Variants in SECISBP2L observed in about 807,000 individuals in gnomAD.
SECISBP2L encodes the protein selenocysteine insertion sequence-binding protein 2-like.
A neutral mutation model predicts 114.7 loss-of-function variants in SECISBP2L; 43 were observed. The ratio of observed to expected loss-of-function variants is 0.38; its 90% CI spans 0.29 to 0.48. The LOEUF (loss-of-function observed/expected upper bound fraction) is 0.48, where lower values mean the gene tolerates loss of function less well. Among genes scored for constraint, SECISBP2L ranks in the 20% least tolerant of loss-of-function variants. The pLI, the probability that SECISBP2L is intolerant of heterozygous loss-of-function variation, is 0.98. For synonymous variants in SECISBP2L, 451 were observed against 439.7 expected (o/e 1.03, Z -0.32); for missense variants, 1,136 against 1,301.1 (o/e 0.87, Z 1.95).
At chr15:49,014,825 C>A (rs894884418) in intron 11 of SECISBP2L, among the ~76,000 whole-genome samples, 42 of 147,918 alleles carry the variant, frequency 2.8e-4, no homozygotes, top group Non-Finnish European at 5.4e-4. Flanking sequence ...TGTATATTAA[C>A]AGTATATGTA....
chr15:49,002,400 T>G (rs749518421), intron 14 of SECISBP2L, among the ~76,000 whole-genome samples: 5 of 152,246 alleles, frequency 3.3e-5, no homozygotes, highest in Non-Finnish European at 7.3e-5. Flanking sequence ...TCGTATAGGT[T>G]GCCTATTCAC....
chr15:48,998,226 T>C (rs1902134515), intron 16 of SECISBP2L, among the ~76,000 whole-genome samples: 1 of 152,188 alleles, frequency 6.6e-6, no homozygotes, highest in Non-Finnish European at 1.5e-5. Context: ...GAGGGAAAAA[T>C]ATAAGTAGCA....
intron 13 of SECISBP2L, among the ~76,000 whole-genome samples, chr15:49,010,425 A>G (rs1902414456): frequency 1.3e-5 from 2 of 152,148 alleles, no homozygotes; most frequent in Non-Finnish European, 2.9e-5. Context: ...CCTCTTTCCT[A>G]AACAGCTAAA....
At chr15:49,025,909 A>G (rs972064991) in intron 7 of SECISBP2L, among the ~76,000 whole-genome samples, 1 of 152,236 alleles carries the variant, frequency 6.6e-6, no homozygotes, top group Admixed American at 6.5e-5. Context: ...TCAGTATGTT[A>G]AAGAGATATC....
At position 49,021,172 on chromosome 15, in the gene SECISBP2L, A is replaced by G. The variant is rs186280350; in HGVS notation, c.1036-1620T>C. 5.3e-5 allele frequency among the ~76,000 whole-genome samples: 8 copies of G among 152,292 alleles called. No homozygotes were observed. In the East Asian group the frequency reaches 1.5e-3, roughly 29 times the overall value. On this transcript the variant is annotated intron_variant, in intron 7 of 17. Transcript: ENST00000559471. ...TTCTACCACATAAGGACAAAGCTAG[A>G]AGACAGCCACCTATGAACCACAAAG...
chr15:48,993,853 A>C (rs1902038141), intron 17 of SECISBP2L, among the ~76,000 whole-genome samples: 1 of 152,070 alleles, frequency 6.6e-6, no homozygotes, highest in African/African-American at 2.4e-5. Context: ...TATTTTTTCA[A>C]ATTTTTTTAA....
Position 49,000,124 on chromosome 15 carries a change from T to C in SECISBP2L, c.2249-137A>G, listed in dbSNP as rs1902172105. On this transcript the variant is annotated intron_variant, in intron 15 of 17. Transcript: ENST00000559471. ...TAGCACTTAACGCTGTTACACATTATCCTATTTAATTTTATACAATATATG... is the reference window on the plus strand; with the variant it reads ...TAGCACTTAACGCTGTTACACATTACCCTATTTAATTTTATACAATATATG... 6 of 770,608 alleles carry C rather than the reference T, an allele frequency of 7.8e-6. No individual in the cohort carries two copies. In the South Asian group the frequency reaches 1.4e-4, roughly 18 times the overall value. 47.7% of individuals were successfully genotyped at this position (770,608 alleles called of 1,614,324 possible). A position where few individuals can be genotyped will look rare whatever the true frequency, so the allele number is the denominator to read the frequency against.
chr15:49,037,387 CAT>C (rs1903032757), intron 2 of SECISBP2L: 1 of 406,880 alleles, frequency 2.5e-6, no homozygotes, highest in Admixed American at 4.2e-5. Flanking sequence ...CTGAAGGAGA[CAT>C]AGCCTAAGAA....
chr15:49,003,992 T>G (rs1041943298), intron 14 of SECISBP2L, among the ~76,000 whole-genome samples: 1 of 152,220 alleles, frequency 6.6e-6, no homozygotes, highest in Non-Finnish European at 1.5e-5. Flanking sequence ...TTCTATTGTT[T>G]GGAATAGTTT....
intron 11 of SECISBP2L, among the ~76,000 whole-genome samples, chr15:49,013,828 G>A (rs1050908517): frequency 2.0e-5 from 3 of 152,056 alleles, no homozygotes; most frequent in Non-Finnish European, 4.4e-5. Context: ...TCCCATCTCA[G>A]TTCCTCTAAG....
At chr15:49,023,895 G>A (rs1177258370) in intron 7 of SECISBP2L, among the ~76,000 whole-genome samples, 1 of 152,186 alleles carries the variant, frequency 6.6e-6, no homozygotes, top group Non-Finnish European at 1.5e-5. Flanking sequence ...AGTGGGAGAG[G>A]TATGGGGGAG....
intron 7 of SECISBP2L, among the ~76,000 whole-genome samples, chr15:49,021,702 T>G (rs1475636316): frequency 1.3e-5 from 2 of 152,156 alleles, no homozygotes; most frequent in African/African-American, 4.8e-5. Flanking sequence ...GTAAAACAAT[T>G]TCCTTTAAAA....
chr15:49,033,052 T>G lies in SECISBP2L; in HGVS notation c.577A>C (p.Asn193His). ...HIKSKRPLVK[N>H]VATQKETNAA... ...TTTGTTTCTTTCTGAGTAGCTACATTTTTCACCAGCGGCCTTTTGCTTTTT... is the reference window on the plus strand; with the variant it reads ...TTTGTTTCTTTCTGAGTAGCTACATGTTTCACCAGCGGCCTTTTGCTTTTT... Residue 193 changes from asparagine (N) to histidine (H), a missense_variant, in exon 4 of 18, where the codon AAT becomes CAT. Physicochemically the swap from Asn to His is moderately conservative, Grantham distance 68. Transcript: ENST00000559471. 4 of 1,614,130 alleles carry G rather than the reference T, an allele frequency of 2.5e-6. No individual in the cohort carries two copies. The highest frequency in any genetic ancestry group is 3.4e-6 in the Non-Finnish European group (4 of 1,180,010).
chr15:49,015,930 G>A lies in SECISBP2L; in HGVS notation c.1561+630C>T, dbSNP rs139992407. On this transcript the variant is annotated intron_variant, in intron 11 of 17. Transcript: ENST00000559471. ...AACTATGCTGATACCTGGGGAAAGA[G>A]CATCCCAGGAAAAGGGAATAGCAAG... 4.0e-3 allele frequency among the ~76,000 whole-genome samples: 605 copies of A among 152,322 alleles called. 1 individual carries two copies. Among genetic ancestry groups the A allele is most frequent in the Non-Finnish European group, 6.8e-3 (462 of 68,026 alleles).
intron 2 of SECISBP2L, 57 bp downstream of exon 2, chr15:49,037,534 C>T: frequency 6.6e-7 from 1 of 1,504,068 alleles, no homozygotes; most frequent in South Asian, 1.2e-5. Flanking sequence ...ATTAAGTGCA[C>T]TTTGCCAGCT....
chr15:49,035,198 C>T, intron 3 of SECISBP2L, 136 bp downstream of exon 3: 1 of 714,754 alleles, frequency 1.4e-6, no homozygotes, highest in Non-Finnish European at 2.3e-6. Context: ...ATTACATACC[C>T]TTTACCATTT....
At chr15:48,993,128 T>TGG (rs1566850192) in intron 17 of SECISBP2L, among the ~76,000 whole-genome samples, 11 of 151,604 alleles carry the variant, frequency 7.3e-5, no homozygotes, top group African/African-American at 2.7e-4. Context: ...TGTGTGTGTG[T>TGG]GTGTGTGTGT....
intron 1 of SECISBP2L, among the ~76,000 whole-genome samples, chr15:49,039,211 A>C (rs1903070658): frequency 6.6e-6 from 1 of 152,172 alleles, no homozygotes; most frequent in Admixed American, 6.5e-5. Flanking sequence ...ATAATAATAC[A>C]AATATTAGTG....
At chr15:48,995,803 A>G (rs978260046) in intron 17 of SECISBP2L, 3 of 152,582 alleles carry the variant, frequency 2.0e-5, no homozygotes, top group African/African-American at 7.2e-5. Flanking sequence ...AGACTACTTA[A>G]GGCAAACAGC....
Sources: allele counts gnomAD v4.1 joint callset (sites outside exome capture counted in the v4.1 genomes callset), GRCh38; gene constraint gnomAD v4.1.1; transcripts MANE v1.5; gene names NCBI Gene and HGNC (gene_info 2026-07-23, HGNC 2026-07-21).